Variants in MTHFD1L observed in about 807,000 individuals in gnomAD.
MTHFD1L encodes the protein monofunctional C1-tetrahydrofolate synthase, mitochondrial.
In MTHFD1L, 81 loss-of-function variants were observed where a neutral mutation model predicts 119.5. The observed-to-expected ratio is 0.68, with a 90% CI of 0.57 to 0.82. The LOEUF (loss-of-function observed/expected upper bound fraction) is 0.82, where lower values mean the gene tolerates loss of function less well. Ranked by LOEUF, MTHFD1L falls within the 40% of genes least tolerant of loss-of-function variation. The probability of loss-of-function intolerance (pLI) is 0.00; values close to 1 mark genes in which losing one functional copy is unlikely to be tolerated. For synonymous variants in MTHFD1L, 430 were observed against 475.2 expected (o/e 0.90, Z 1.24); for missense variants, 1,125 against 1,253.4 (o/e 0.90, Z 1.55).
At chr6:151,015,062 T>G in intron 23 of MTHFD1L, 82 bp downstream of exon 23, 1 of 1,127,660 alleles carries the variant, frequency 8.9e-7, no homozygotes, top group Non-Finnish European at 1.3e-6. Flanking sequence ...GGGTATTTGG[T>G]CTTTCTGTGC....
At chr6:150,967,267 G>C (rs976133012) in intron 19 of MTHFD1L, among the ~76,000 whole-genome samples, 2 of 152,154 alleles carry the variant, frequency 1.3e-5, no homozygotes, top group Admixed American at 1.3e-4. Context: ...GCCCTCCTCA[G>C]AGAAGCTCAG....
At chr6:150,934,958 G>A (rs1373617446) in intron 11 of MTHFD1L, 1 of 1,524,800 alleles carries the variant, frequency 6.6e-7, no homozygotes, top group Non-Finnish European at 8.8e-7. Context: ...ACATTTATTT[G>A]CACCTGGAAA....
At position 151,014,978 on chromosome 6, in the gene MTHFD1L, CAAGT is replaced by C; in HGVS notation, c.2408+3_2408+6del. ...CCGTTGTGGTGGCTCTGAATGTCTT[CAAGT>C]AAGTCCAGCCTCCTCCTTTAAATGT... is the stretch of plus-strand genomic sequence containing the variant. On this transcript the variant is annotated splice_donor_variant and coding_sequence_variant, in exon 23 of 28. Coordinates refer to ENST00000367321, the MANE Select transcript of MTHFD1L (RefSeq NM_015440.5). LOFTEE classifies it high-confidence loss of function. 2.5e-6 allele frequency: 4 copies of C among 1,613,542 alleles called. No individual in the cohort carries two copies. The highest frequency in any genetic ancestry group is 3.4e-6 in the Non-Finnish European group (4 of 1,179,570).
chr6:150,924,303 C>A (rs1274502627), intron 10 of MTHFD1L, among the ~76,000 whole-genome samples: 1 of 152,112 alleles, frequency 6.6e-6, no homozygotes, highest in African/African-American at 2.4e-5. Flanking sequence ...TCATTGTAAC[C>A]TTCACTTCCT....
intron 20 of MTHFD1L, among the ~76,000 whole-genome samples, chr6:151,004,581 C>G (rs915087273): frequency 6.6e-6 from 1 of 152,174 alleles, no homozygotes; most frequent in African/African-American, 2.4e-5. Context: ...AAGGCAGCTG[C>G]CTGGCTTTCC....
intron 26 of MTHFD1L, among the ~76,000 whole-genome samples, chr6:151,072,771 G>T (rs1262471802): frequency 6.6e-6 from 1 of 151,604 alleles, no homozygotes; most frequent in Non-Finnish European, 1.5e-5. Flanking sequence ...TGCCTCCTCT[G>T]CACTCCAGCC....
intron 20 of MTHFD1L, among the ~76,000 whole-genome samples, chr6:150,990,636 T>C (rs1778945265): frequency 6.6e-6 from 1 of 151,746 alleles, no homozygotes; most frequent in Admixed American, 6.6e-5. Flanking sequence ...TTTTTTTGTA[T>C]TTTTTAGTAG....
intron 24 of MTHFD1L, among the ~76,000 whole-genome samples, chr6:151,017,783 T>TTATGGCA (rs1783332501): frequency 6.6e-6 from 1 of 151,954 alleles, no homozygotes; most frequent in African/African-American, 2.4e-5. Flanking sequence ...GCATGCGTGT[T>TTATGGCA]TATGGCATAT....
chr6:150,964,428 C>T (rs1738575), intron 18 of MTHFD1L, among the ~76,000 whole-genome samples: 17 of 151,926 alleles, frequency 1.1e-4, no homozygotes, highest in African/African-American at 4.1e-4. Flanking sequence ...AAGCCTTTCA[C>T]ATCTAAACTA....
chr6:150,883,005 A>G, intron 5 of MTHFD1L, 119 bp downstream of exon 5: 1 of 1,035,404 alleles, frequency 9.7e-7, no homozygotes, highest in Non-Finnish European at 1.3e-6. Flanking sequence ...TTGGATAAAA[A>G]AATCATTTTA....
intron 18 of MTHFD1L, among the ~76,000 whole-genome samples, chr6:150,963,815 A>G (rs1796804823): frequency 6.6e-6 from 1 of 152,234 alleles, no homozygotes; most frequent in African/African-American, 2.4e-5. Flanking sequence ...AATAACTAAT[A>G]TGTTGAAAAC....
At chr6:150,972,153 CAT>C in intron 20 of MTHFD1L, 95 bp downstream of exon 20, 1 of 1,076,396 alleles carries the variant, frequency 9.3e-7, no homozygotes. Context: ...TGACATGAAA[CAT>C]ATTCTTTCAG....
intron 20 of MTHFD1L, 84 bp from the exon 21 acceptor site, chr6:151,009,735 T>C (rs552359023): frequency 6.9e-7 from 1 of 1,456,816 alleles, no homozygotes; most frequent in East Asian, 2.3e-5. Flanking sequence ...AGCTGTCCTT[T>C]GAGCTCGAAT....
intron 16 of MTHFD1L, among the ~76,000 whole-genome samples, chr6:150,950,395 C>G (rs1794676612): frequency 2.0e-5 from 3 of 152,192 alleles, no homozygotes; most frequent in Non-Finnish European, 4.4e-5. Flanking sequence ...TGGGAATCCA[C>G]CCAGCCAGTC....
intron 26 of MTHFD1L, among the ~76,000 whole-genome samples, chr6:151,071,031 GC>G: frequency 6.6e-6 from 1 of 152,296 alleles, no homozygotes; most frequent in Non-Finnish European, 1.5e-5. Context: ...AAAATTCTAA[GC>G]CCAGTTCCAG....
intron 11 of MTHFD1L, chr6:150,935,684 G>A (rs1442896373): frequency 1.4e-6 from 1 of 694,192 alleles, no homozygotes; most frequent in Non-Finnish European, 2.3e-6. Flanking sequence ...TTAAAGCTTT[G>A]TTTTGTTGAA....
rs1780184996 is a variant in MTHFD1L at position 150,875,030 on chromosome 6, G to A, written c.228-1060G>A. Among the ~76,000 whole-genome samples the A allele has an allele frequency of 5.3e-5, 8 of 150,942 alleles. No homozygotes were observed. In the South Asian group the frequency reaches 1.7e-3, roughly 32 times the overall value. On this transcript the variant is annotated intron_variant, in intron 1 of 27. Transcript: ENST00000367321. ...CCCAAAGTGCTGGGATTACAGGCGT[G>A]AGCCACCGCTCCTGGACTTTTTTTT...
chr6:151,042,352 C>T lies in MTHFD1L; in HGVS notation c.2847+5235C>T, dbSNP rs117841874. ...TGCAAGATTCTTGAACGACATAATACCACTTAGTACATCTTTTTGTAAGAG... is the reference window on the plus strand; with the variant it reads ...TGCAAGATTCTTGAACGACATAATATCACTTAGTACATCTTTTTGTAAGAG... On this transcript the variant is annotated intron_variant, in intron 26 of 27. Transcript: ENST00000367321. 4.4e-3 allele frequency among the ~76,000 whole-genome samples: 677 copies of T among 152,262 alleles called. 2 individuals carry two copies. Among genetic ancestry groups the T allele is most frequent in the Non-Finnish European group, 7.1e-3 (481 of 68,030 alleles).
chr6:150,937,173 G>GC (rs149901116), intron 12 of MTHFD1L, among the ~76,000 whole-genome samples: 15,926 of 152,216 alleles, frequency 0.1, 1,263 homozygotes, highest in Admixed American at 0.2. Context: ...TCCTGGGGCT[G>GC]CGTTGCTCAA....
Sources: allele counts gnomAD v4.1 joint callset (sites outside exome capture counted in the v4.1 genomes callset), GRCh38; gene constraint gnomAD v4.1.1; transcripts MANE v1.5; gene names NCBI Gene and HGNC (gene_info 2026-07-23, HGNC 2026-07-21).